The following NEURL1 variants were observed in gnomAD, a reference collection of about 807,000 sequenced individuals.
NEURL1 encodes E3 ubiquitin-protein ligase NEURL1.
Under a neutral mutation model 41.2 loss-of-function variants are expected in NEURL1, and 26 were observed. The ratio of observed to expected loss-of-function variants is 0.63; its 90% CI spans 0.46 to 0.87. The LOEUF is 0.87. Among genes scored for constraint, NEURL1 ranks in the 40% least tolerant of loss-of-function variants. NEURL1 has a pLI of 0.00. For missense variants in NEURL1, 761 were observed against 871.1 expected (o/e 0.87, Z 1.59); for synonymous variants, 400 against 402.3 (o/e 0.99, Z 0.07).
At position 103,584,651 on chromosome 10, in the gene NEURL1, CAACGTGCCGGGCGCGGACGGCGACGAG is replaced by C. The variant is rs2035859390; in HGVS notation, c.766_792del (p.Asn256_Glu264del). ...GCCTCTCGGTGAGCCTATGCGACCT[CAACGTGCCGGGCGCGGACGGCGACGAG>C]GCCGCGCCGGCCGCCGGCTGCCCCA... On this transcript the variant is annotated inframe_deletion, in exon 4 of 6. Coordinates refer to ENST00000369780, the MANE Select transcript of NEURL1 (RefSeq NM_004210.5). The C allele has an allele frequency of 1.4e-6, 2 of 1,428,436 alleles. No individual in the cohort carries two copies. Among genetic ancestry groups the C allele is most frequent in the Admixed American group, 3.0e-5 (1 of 33,016 alleles). The allele number at this position is 1,428,436 out of a possible 1,614,324, so 88.5% of individuals were successfully genotyped here.
In NEURL1 at chr10:103,561,340, C is replaced by A. The variant is rs1486573073; in HGVS notation, c.86-9532C>A. On this transcript the variant is annotated intron_variant, in intron 1 of 5. Coordinates refer to ENST00000369780, the MANE Select transcript of NEURL1 (RefSeq NM_004210.5). Reference sequence around the variant, plus strand: ...GCAGTGGTGTGATCTCAGCTCACTGCAACCTCCACCTCCTGGATTCAAGCA... The same window carrying A: ...GCAGTGGTGTGATCTCAGCTCACTGAAACCTCCACCTCCTGGATTCAAGCA... Among the ~76,000 whole-genome samples the A allele has an allele frequency of 2.0e-5, 3 of 151,972 alleles. No homozygotes were observed. In the East Asian group the frequency reaches 5.8e-4, roughly 29 times the overall value.
At chr10:103,586,530 A>C (rs1218243234) in intron 4 of NEURL1, among the ~76,000 whole-genome samples, 2 of 152,220 alleles carry the variant, frequency 1.3e-5, no homozygotes, top group Non-Finnish European at 2.9e-5. Context: ...ACCTCAGCCC[A>C]GGAGGCTTGA....
chr10:103,569,626 G>A lies in NEURL1; in HGVS notation c.86-1246G>A, dbSNP rs1343502456. On this transcript the variant is annotated intron_variant, in intron 1 of 5. Transcript: ENST00000369780. ...CTCTGCACTATCCAGAGGCCATTCA[G>A]CTTCTTCCAGGCAGCCTTTCCAGAC... is the stretch of plus-strand genomic sequence containing the variant. 2.0e-5 allele frequency among the ~76,000 whole-genome samples: 3 copies of A among 152,336 alleles called. No homozygotes were observed. In the East Asian group the frequency reaches 5.8e-4, roughly 29 times the overall value.
intron 3 of NEURL1, among the ~76,000 whole-genome samples, chr10:103,575,997 GTGC>G (rs1307622883): frequency 6.6e-6 from 1 of 152,364 alleles, no homozygotes; most frequent in East Asian, 1.9e-4. Context: ...CACTTACAGG[GTGC>G]TCCAGAGCAT....
intron 1 of NEURL1, among the ~76,000 whole-genome samples, chr10:103,560,749 C>G (rs946546441): frequency 6.6e-6 from 1 of 152,162 alleles, no homozygotes; most frequent in African/African-American, 2.4e-5. Context: ...GTGGAGGAAC[C>G]TCTGCACCAG....
chr10:103,553,955 T>C (rs560326179), intron 1 of NEURL1, among the ~76,000 whole-genome samples: 5 of 152,366 alleles, frequency 3.3e-5, no homozygotes, highest in African/African-American at 1.2e-4. Context: ...CCCTCAGACA[T>C]GGCCTGAGTC....
chr10:103,501,949 T>C lies in NEURL1; in HGVS notation c.85+7477T>C, dbSNP rs141938269. 9.9e-3 allele frequency among the ~76,000 whole-genome samples: 1,512 copies of C among 152,222 alleles called. 25 individuals carry two copies. The highest frequency in any genetic ancestry group is 0.035 in the African/African-American group (1,442 of 41,516). ...ACACCCGGCCATTATTTATTTATTG[T>C]AGAGACAGAGTCTCTGTATGTTACC... On this transcript the variant is annotated intron_variant, in intron 1 of 5. Coordinates refer to ENST00000369780, the MANE Select transcript of NEURL1 (RefSeq NM_004210.5).
At chr10:103,560,205 TA>T (rs10719535) in intron 1 of NEURL1, among the ~76,000 whole-genome samples, 37,511 of 152,100 alleles carry the variant, frequency 0.25, 5,475 homozygotes, top group African/African-American at 0.41. Context: ...TATGGGGAGC[TA>T]GGGGTGCTGA....
At chr10:103,501,393 G>C (rs2033819443) in intron 1 of NEURL1, among the ~76,000 whole-genome samples, 1 of 152,062 alleles carries the variant, frequency 6.6e-6, no homozygotes, top group Admixed American at 6.5e-5. Context: ...GGGCGTGACA[G>C]CCAAGCTGAC....
intron 1 of NEURL1, among the ~76,000 whole-genome samples, chr10:103,542,752 G>T (rs982071728): frequency 3.9e-5 from 6 of 152,172 alleles, no homozygotes; most frequent in Admixed American, 6.5e-5. Flanking sequence ...GTAAAATGGG[G>T]TCTGGCAATA....
At position 103,509,797 on chromosome 10, in the gene NEURL1, T is replaced by C. The variant is rs145398785; in HGVS notation, c.85+15325T>C. The stretch of plus-strand genomic sequence containing the variant: ...ATGAGGTGGTATTTTGGGGTGAAGG[T>C]GCTATTTCTGCAGGCAAGATTTTGG... On this transcript the variant is annotated intron_variant, in intron 1 of 5. Transcript: ENST00000369780. Among the ~76,000 whole-genome samples, 58 of 152,234 alleles carry C rather than the reference T, an allele frequency of 3.8e-4. 1 individual carries two copies. In the East Asian group the frequency reaches 0.011, roughly 28 times the overall value.
At chr10:103,521,638 G>C (rs1277018793) in intron 1 of NEURL1, among the ~76,000 whole-genome samples, 1 of 152,176 alleles carries the variant, frequency 6.6e-6, no homozygotes, top group Admixed American at 6.5e-5. Flanking sequence ...ATGAAATGAT[G>C]ATAGAATAGA....
intron 1 of NEURL1, among the ~76,000 whole-genome samples, chr10:103,555,921 CAT>C (rs1262062550): frequency 6.6e-6 from 1 of 152,018 alleles, no homozygotes; most frequent in Non-Finnish European, 1.5e-5. Context: ...TGGGCACCCA[CAT>C]GTGTGCTGAG....
chr10:103,562,305 C>A (rs973877399), intron 1 of NEURL1, among the ~76,000 whole-genome samples: 7 of 152,188 alleles, frequency 4.6e-5, no homozygotes, highest in African/African-American at 1.7e-4. Context: ...ATCACTTGAA[C>A]CTGGGAGGCG....
At chr10:103,570,008 C>T (rs981711729) in intron 1 of NEURL1, among the ~76,000 whole-genome samples, 2 of 152,232 alleles carry the variant, frequency 1.3e-5, no homozygotes, top group South Asian at 2.1e-4. Flanking sequence ...GGAAGCTGCT[C>T]CTCCTCCTCT....
chr10:103,555,627 C>T (rs2035136242), intron 1 of NEURL1, among the ~76,000 whole-genome samples: 1 of 152,096 alleles, frequency 6.6e-6, no homozygotes, highest in Non-Finnish European at 1.5e-5. Context: ...GGTGCCTTCC[C>T]TGACAGTGGC....
chr10:103,541,370 C>T (rs2034817490), intron 1 of NEURL1, among the ~76,000 whole-genome samples: 1 of 152,092 alleles, frequency 6.6e-6, no homozygotes, highest in Non-Finnish European at 1.5e-5. Context: ...AAGTGGGACC[C>T]TGAGTGAAGG....
At position 103,591,977 on chromosome 10, in the gene NEURL1, C is replaced by G. The variant is rs2036059110; in HGVS notation, c.*1605C>G. 1 of 152,354 alleles carries G rather than the reference C, an allele frequency of 6.6e-6. No individual in the cohort carries two copies. Among genetic ancestry groups the G allele is most frequent in the Admixed American group, 6.5e-5 (1 of 15,292 alleles). 9.4% of individuals were successfully genotyped at this position (152,354 alleles called of 1,614,324 possible). A position where few individuals can be genotyped will look rare whatever the true frequency, so the allele number is the denominator to read the frequency against. On this transcript the variant is annotated 3_prime_UTR_variant, in exon 6 of 6. Coordinates refer to ENST00000369780, the MANE Select transcript of NEURL1 (RefSeq NM_004210.5). ...CGCCCCACCTGCTGAGGTCGGTCCT[C>G]TCAGCCCTGCCTGCCCTGGCCTGGG...
At chr10:103,496,768 G>C (rs1418344906) in intron 1 of NEURL1, among the ~76,000 whole-genome samples, 1 of 152,170 alleles carries the variant, frequency 6.6e-6, no homozygotes, top group African/African-American at 2.4e-5. Flanking sequence ...GTCCTTCAGG[G>C]GGCAAGGGTT....
Sources: gnomAD v4.1 joint callset for allele counts (sites outside exome capture counted in the v4.1 genomes callset) on GRCh38, gnomAD v4.1.1 for gene constraint, MANE v1.5 for transcripts, NCBI Gene and HGNC (gene_info 2026-07-23, HGNC 2026-07-21) for gene names.